Variants in TP63 observed in about 807,000 individuals in gnomAD.
TP63 encodes the protein tumor protein p63, also known as tumor protein 63.
In TP63, 17 loss-of-function variants were observed where a neutral mutation model predicts 82.8. The ratio of observed to expected loss-of-function variants is 0.21; its 90% CI spans 0.14 to 0.31. The LOEUF (loss-of-function observed/expected upper bound fraction) is 0.31, where lower values mean the gene tolerates loss of function less well. TP63 is among the 10% of genes least tolerant of loss of function. TP63 has a pLI of 1.00. For missense variants in TP63, 648 were observed against 895.3 expected (o/e 0.72, Z 3.52); for synonymous variants, 330 against 321.7 (o/e 1.03, Z -0.28).
the TP63 span, among the ~76,000 whole-genome samples, chr3:189,600,157 A>C: frequency 1.3e-5 from 2 of 152,320 alleles, no homozygotes; most frequent in South Asian, 4.1e-4. Context: ...CAACCCCCAG[A>C]AGAGTTTGAC....
chr3:189,794,447 G>T (rs1224557062), intron 3 of TP63, among the ~76,000 whole-genome samples: 1 of 151,952 alleles, frequency 6.6e-6, no homozygotes, highest in African/African-American at 2.4e-5. Context: ...AGATGAAGCT[G>T]CACTTGGAAG....
chr3:189,710,799 C>T (rs1228395548), intron 1 of TP63, among the ~76,000 whole-genome samples: 1 of 152,108 alleles, frequency 6.6e-6, no homozygotes, highest in Non-Finnish European at 1.5e-5. Context: ...CCTTTCACTG[C>T]CAAACTCCAC....
intron 1 of TP63, among the ~76,000 whole-genome samples, chr3:189,671,838 A>T (rs1442605233): frequency 6.6e-6 from 1 of 152,042 alleles, no homozygotes; most frequent in Non-Finnish European, 1.5e-5. Flanking sequence ...GGCTAAAAAT[A>T]TTGAGTTAAT....
At chr3:189,878,498 C>T (rs1242727340) in intron 10 of TP63, among the ~76,000 whole-genome samples, 20 of 150,040 alleles carry the variant, frequency 1.3e-4, no homozygotes, top group African/African-American at 4.4e-4. Context: ...GAACAACTCT[C>T]CTGCCTCAGC....
chr3:189,740,155 A>G (rs1017176554), intron 3 of TP63, among the ~76,000 whole-genome samples: 1 of 152,220 alleles, frequency 6.6e-6, no homozygotes, highest in Non-Finnish European at 1.5e-5. Context: ...TCATTCCAAT[A>G]CAGATATAGT....
chr3:189,721,410 T>C (rs1278694937), intron 1 of TP63, among the ~76,000 whole-genome samples: 1 of 152,080 alleles, frequency 6.6e-6, no homozygotes, highest in East Asian at 1.9e-4. Flanking sequence ...GAGAAAGGGA[T>C]TCCCCCGTAG....
At chr3:189,770,229 G>A (rs543911957) in intron 3 of TP63, among the ~76,000 whole-genome samples, 6 of 152,204 alleles carry the variant, frequency 3.9e-5, no homozygotes, top group African/African-American at 1.4e-4. Flanking sequence ...CACCATCCTT[G>A]TTAGAATTTT....
intron 4 of TP63, among the ~76,000 whole-genome samples, chr3:189,829,180 G>T (rs79951774): frequency 0.028 from 4,288 of 152,186 alleles, 90 homozygotes; most frequent in Non-Finnish European, 0.045. Flanking sequence ...CTAACTATAG[G>T]AGCTGGACCA....
intron 4 of TP63, among the ~76,000 whole-genome samples, chr3:189,823,365 A>G (rs1728994851): frequency 6.6e-6 from 1 of 152,180 alleles, no homozygotes; most frequent in African/African-American, 2.4e-5. Context: ...ACCTCTTCAG[A>G]TCGGTATATA....
chr3:189,762,345 T>G (rs1460816942), intron 3 of TP63, among the ~76,000 whole-genome samples: 4 of 151,722 alleles, frequency 2.6e-5, no homozygotes, highest in Admixed American at 2.6e-4. Context: ...GGGAAACCCC[T>G]GTGATGGGAT....
intron 4 of TP63, among the ~76,000 whole-genome samples, chr3:189,842,497 C>T (rs1714275749): frequency 6.6e-6 from 1 of 152,178 alleles, no homozygotes; most frequent in Admixed American, 6.5e-5. Flanking sequence ...GTTCTCTGCC[C>T]ATCCAGGGTT....
At position 189,686,878 on chromosome 3, in the gene TP63, C is replaced by T. The variant is rs566740481; in HGVS notation, c.63-50862C>T. On this transcript the variant is annotated intron_variant, in intron 1 of 13. Coordinates refer to ENST00000264731, the MANE Select transcript of TP63 (RefSeq NM_003722.5). ...CCCGAGTAGCTGGGATGACAGGCAC[C>T]TGCCACCACGCCCAGCTAATTTTTG... Among the ~76,000 whole-genome samples the T allele has an allele frequency of 1.3e-4, 19 of 151,908 alleles. No individual in the cohort carries two copies. In the South Asian group the frequency reaches 3.5e-3, roughly 28 times the overall value.
Position 189,780,275 on chromosome 3 carries a change from G to T in TP63, c.325-27997G>T, listed in dbSNP as rs550798487. On this transcript the variant is annotated intron_variant, in intron 3 of 13. Coordinates refer to ENST00000264731, the MANE Select transcript of TP63 (RefSeq NM_003722.5). ...GTATGCTTTGTAAGCTGCAATGCAG[G>T]ATACATATCCTTAAGCTCTTATTAC... Among the ~76,000 whole-genome samples the T allele has an allele frequency of 7.9e-5, 12 of 152,236 alleles. No homozygotes were observed. In the East Asian group the frequency reaches 1.2e-3, roughly 15 times the overall value.
intron 1 of TP63, among the ~76,000 whole-genome samples, chr3:189,725,103 T>C (rs2108775298): frequency 6.6e-6 from 1 of 152,296 alleles, no homozygotes; most frequent in Non-Finnish European, 1.5e-5. Flanking sequence ...TACCTCATTG[T>C]GAAAAAAAGT....
chr3:189,667,195 G>A (rs775130492), intron 1 of TP63, among the ~76,000 whole-genome samples: 57 of 129,206 alleles, frequency 4.4e-4, no homozygotes, highest in Non-Finnish European at 7.1e-4. Flanking sequence ...TTTTTGAGAC[G>A]GAGTCTTGCT....
intron 4 of TP63, 106 bp downstream of exon 4, chr3:189,808,632 T>C: frequency 6.3e-7 from 1 of 1,589,890 alleles, no homozygotes; most frequent in South Asian, 1.1e-5. Flanking sequence ...TCCATGTTCA[T>C]GGTGGAAAAT....
At chr3:189,605,639 A>G in the TP63 span, among the ~76,000 whole-genome samples, 1 of 152,250 alleles carries the variant, frequency 6.6e-6, no homozygotes, top group African/African-American at 2.4e-5. Context: ...ATGAACCATT[A>G]GAGACCCTCG....
At chr3:189,675,867 G>C (rs1715346168) in intron 1 of TP63, among the ~76,000 whole-genome samples, 1 of 152,086 alleles carries the variant, frequency 6.6e-6, no homozygotes, top group African/African-American at 2.4e-5. Context: ...TGTTCTTCTG[G>C]TGTGTTAATT....
intron 1 of TP63, among the ~76,000 whole-genome samples, chr3:189,695,749 A>G (rs756809869): frequency 6.6e-6 from 1 of 152,188 alleles, no homozygotes; most frequent in Non-Finnish European, 1.5e-5. Context: ...CCTCGCTCTC[A>G]TACACGCATC....
Sources: gnomAD v4.1 joint callset for allele counts (sites outside exome capture counted in the v4.1 genomes callset) on GRCh38, gnomAD v4.1.1 for gene constraint, MANE v1.5 for transcripts, NCBI Gene and HGNC (gene_info 2026-07-23, HGNC 2026-07-21) for gene names.